ATP6V1A: variants seen among roughly 807,000 people sequenced by gnomAD.
ATP6V1A encodes V-type proton ATPase catalytic subunit A.
Under a neutral mutation model 70.1 loss-of-function variants are expected in ATP6V1A, and 18 were observed. That is an observed-to-expected ratio of 0.26 (90% CI 0.18 to 0.38). The LOEUF (loss-of-function observed/expected upper bound fraction) is 0.38, where lower values mean the gene tolerates loss of function less well. Ranked by LOEUF, ATP6V1A falls within the 10% of genes least tolerant of loss-of-function variation. The probability of loss-of-function intolerance (pLI) is 1.00; values close to 1 mark genes in which losing one functional copy is unlikely to be tolerated. For missense variants in ATP6V1A, 424 were observed against 772.4 expected (o/e 0.55, Z 5.35); for synonymous variants, 232 against 253.8 (o/e 0.91, Z 0.82).
chr3:113,764,185 A>T lies in ATP6V1A; in HGVS notation c.-13-14556A>T, dbSNP rs189526016. ...GAGATTGAGGCTGCAGTGAGCCTTG[A>T]TCGCACCACTGTACTCCAGCCTGGG... On this transcript the variant is annotated intron_variant, in intron 1 of 14. Transcript: ENST00000273398. Among the ~76,000 whole-genome samples, 11 of 152,184 alleles carry T rather than the reference A, an allele frequency of 7.2e-5. No homozygotes were observed. The East Asian group carries it at 1.5e-3, about 21-fold the overall frequency.
At chr3:113,780,991 T>G in intron 2 of ATP6V1A, 59 bp from the exon 3 acceptor site, 1 of 1,531,978 alleles carries the variant, frequency 6.5e-7, no homozygotes, top group Non-Finnish European at 8.8e-7. Flanking sequence ...TAATTATTTG[T>G]GACTATTCAC....
intron 2 of ATP6V1A, among the ~76,000 whole-genome samples, chr3:113,780,523 T>C (rs1007604447): frequency 1.3e-5 from 2 of 152,194 alleles, no homozygotes; most frequent in Non-Finnish European, 2.9e-5. Context: ...AGAGCTATTA[T>C]TAGTTTTTGA....
At chr3:113,751,386 C>T (rs895792157) in intron 1 of ATP6V1A, among the ~76,000 whole-genome samples, 12 of 151,254 alleles carry the variant, frequency 7.9e-5, no homozygotes, top group Non-Finnish European at 1.8e-4. Context: ...TTATGAATCA[C>T]TTTATTCCTG....
At chr3:113,764,494 G>A (rs1356516430) in intron 1 of ATP6V1A, among the ~76,000 whole-genome samples, 1 of 152,154 alleles carries the variant, frequency 6.6e-6, no homozygotes, top group Non-Finnish European at 1.5e-5. Flanking sequence ...CAAATGGTGA[G>A]ATCTTTCATT....
At chr3:113,763,289 G>T (rs1189050084) in intron 1 of ATP6V1A, among the ~76,000 whole-genome samples, 1 of 152,010 alleles carries the variant, frequency 6.6e-6, no homozygotes, top group Non-Finnish European at 1.5e-5. Flanking sequence ...GGGTTTCACT[G>T]TGTTAGCCAG....
At chr3:113,763,731 C>A (rs1708732920) in intron 1 of ATP6V1A, among the ~76,000 whole-genome samples, 1 of 152,124 alleles carries the variant, frequency 6.6e-6, no homozygotes, top group African/African-American at 2.4e-5. Flanking sequence ...GCCTGTCCTG[C>A]AATTTCTGGA....
rs1559762864 is a variant in ATP6V1A at position 113,809,323 on chromosome 3, GTCT to G, written c.1762-7_1762-5del. On this transcript the variant is annotated splice_polypyrimidine_tract_variant and intron_variant, in intron 14 of 14. Coordinates refer to ENST00000273398, the MANE Select transcript of ATP6V1A (RefSeq NM_001690.4). Reference sequence around the variant, plus strand: ...TCCAAATGCGAGTTGAATTTGTAATGTCTTCTTTCAGGATCCACTGAAAGATGG... The same window carrying G: ...TCCAAATGCGAGTTGAATTTGTAATGTCTTTCAGGATCCACTGAAAGATGG... The G allele has an allele frequency of 1.9e-6, 3 of 1,599,368 alleles. No individual in the cohort carries two copies. The highest frequency in any genetic ancestry group is 2.2e-5 in the South Asian group (2 of 90,126).
chr3:113,778,401 C>A lies in ATP6V1A; in HGVS notation c.-13-340C>A, dbSNP rs553723990. Reference sequence around the variant, plus strand: ...GGAGTTAGACTCTGTCTCAAAAAAACAAACAAACAAACAAACAAAAAACTA... The same window carrying A: ...GGAGTTAGACTCTGTCTCAAAAAAAAAAACAAACAAACAAACAAAAAACTA... On this transcript the variant is annotated intron_variant, in intron 1 of 14. Coordinates refer to ENST00000273398, the MANE Select transcript of ATP6V1A (RefSeq NM_001690.4). 1.1e-4 allele frequency among the ~76,000 whole-genome samples: 16 copies of A among 151,368 alleles called. No individual in the cohort carries two copies. In the South Asian group the frequency reaches 1.3e-3, roughly 12 times the overall value.
At chr3:113,788,584 G>C in intron 6 of ATP6V1A, 129 bp from the exon 7 acceptor site, 1 of 710,342 alleles carries the variant, frequency 1.4e-6, no homozygotes, top group Non-Finnish European at 2.2e-6. Context: ...CACTTCAGAT[G>C]ATCCACCCGC....
chr3:113,798,945 G>A (rs1399468062), intron 12 of ATP6V1A, among the ~76,000 whole-genome samples: 3 of 152,124 alleles, frequency 2.0e-5, no homozygotes, highest in African/African-American at 4.8e-5. Context: ...GTCTGGTTTT[G>A]TTCTTTTTAT....
chr3:113,792,428 C>T (rs1329170944), intron 8 of ATP6V1A, among the ~76,000 whole-genome samples: 1 of 152,092 alleles, frequency 6.6e-6, no homozygotes, highest in African/African-American at 2.4e-5. Context: ...GCTTTGACCT[C>T]CTGGTCTCAA....
chr3:113,793,827 T>G (rs1160879709), intron 8 of ATP6V1A, among the ~76,000 whole-genome samples: 1 of 152,152 alleles, frequency 6.6e-6, no homozygotes, highest in Non-Finnish European at 1.5e-5. Context: ...TCTGTTTCTT[T>G]ACCAGTAAAA....
chr3:113,761,517 AC>A (rs1354909505), intron 1 of ATP6V1A, among the ~76,000 whole-genome samples: 1 of 151,988 alleles, frequency 6.6e-6, no homozygotes. Context: ...TGGGTAGATC[AC>A]CTGAGGTCGG....
In ATP6V1A at chr3:113,809,440, T is replaced by C; in HGVS notation, c.*13T>C. 6.2e-7 allele frequency: 1 copy of C among 1,606,898 alleles called. No homozygotes were observed. Among genetic ancestry groups the C allele is most frequent in the Non-Finnish European group, 8.5e-7 (1 of 1,174,730 alleles). On this transcript the variant is annotated 3_prime_UTR_variant, in exon 15 of 15. Transcript: ENST00000273398. ...CCTTGAAGATTAGAAGCCTTGAAGA[T>C]TACAACTGTGATTTCCTTTTCCTCA...
At position 113,790,122 on chromosome 3, in the gene ATP6V1A, T is replaced by C. The variant is rs140331684; in HGVS notation, c.988+282T>C. ...CTGTCTCTACTAAAAATACAAAAAA[T>C]TGGCTGGGCGTGGTGGCAGCCACCT... On this transcript the variant is annotated intron_variant, in intron 8 of 14. Coordinates refer to ENST00000273398, the MANE Select transcript of ATP6V1A (RefSeq NM_001690.4). Among the ~76,000 whole-genome samples, 930 of 151,680 alleles carry C rather than the reference T, an allele frequency of 6.1e-3. 3 individuals carry two copies. The highest frequency in any genetic ancestry group is 8.8e-3 in the Non-Finnish European group (596 of 67,926).
chr3:113,755,431 CAAAAAAAAA>C (rs1184456240), intron 1 of ATP6V1A, among the ~76,000 whole-genome samples: 2 of 38,084 alleles, frequency 5.3e-5, no homozygotes, highest in South Asian at 7.8e-4. Flanking sequence ...CATGTCTGTA[CAAAAAAAAA>C]AAAAAAAAAA....
At chr3:113,785,313 G>A (rs186110677) in intron 5 of ATP6V1A, among the ~76,000 whole-genome samples, 11 of 152,026 alleles carry the variant, frequency 7.2e-5, no homozygotes, top group African/African-American at 2.4e-4. Context: ...GGTGGCGCAC[G>A]CCTGTAATCC....
chr3:113,805,649 A>G, intron 14 of ATP6V1A, 124 bp downstream of exon 14: 1 of 938,706 alleles, frequency 1.1e-6, no homozygotes. Context: ...TCTCACTGCA[A>G]CCTCTGCCTC....
At chr3:113,789,706 T>C in intron 7 of ATP6V1A, 26 bp from the exon 8 acceptor site, 3 of 1,513,234 alleles carry the variant, frequency 2.0e-6, no homozygotes, top group Non-Finnish European at 2.7e-6. Flanking sequence ...AAATTGGAGA[T>C]TCACTAATAT....
Sources: allele counts gnomAD v4.1 joint callset (sites outside exome capture counted in the v4.1 genomes callset), GRCh38; gene constraint gnomAD v4.1.1; transcripts MANE v1.5; gene names NCBI Gene and HGNC (gene_info 2026-07-23, HGNC 2026-07-21).